MACROD2: variants seen among roughly 807,000 people sequenced by gnomAD.
MACROD2 encodes mono-ADP ribosylhydrolase 2.
MACROD2 carries 36 observed loss-of-function variants against 70.4 expected under a neutral mutation model. The observed-to-expected ratio is 0.51, with a 90% CI of 0.39 to 0.68. The LOEUF is 0.68. Among genes scored for constraint, MACROD2 ranks in the 30% least tolerant of loss-of-function variants. The pLI, the probability that MACROD2 is intolerant of heterozygous loss-of-function variation, is 0.00. For missense variants in MACROD2, 496 were observed against 538.4 expected (o/e 0.92, Z 0.78); for synonymous variants, 172 against 178.8 (o/e 0.96, Z 0.30).
chr20:14,707,088 A>T (rs533069133), intron 5 of MACROD2, among the ~76,000 whole-genome samples: 1 of 152,084 alleles, frequency 6.6e-6, no homozygotes, highest in African/African-American at 2.4e-5. Flanking sequence ...AGGATCCCAG[A>T]TTTTATAAAA....
chr20:14,994,306 A>G (rs555983952), intron 5 of MACROD2, among the ~76,000 whole-genome samples: 2 of 152,156 alleles, frequency 1.3e-5, no homozygotes, highest in Admixed American at 6.6e-5. Flanking sequence ...GGGATGCCCA[A>G]CAGGAGCTGT....
chr20:14,789,463 T>C (rs7273323), intron 5 of MACROD2, among the ~76,000 whole-genome samples: 1,228 of 57,766 alleles, frequency 0.021, 31 homozygotes, highest in South Asian at 0.032. Context: ...AGTGCAAATT[T>C]TTTTTTTTTT....
At chr20:15,543,545 A>G (rs1445981871) in intron 8 of MACROD2, among the ~76,000 whole-genome samples, 1 of 152,148 alleles carries the variant, frequency 6.6e-6, no homozygotes, top group Non-Finnish European at 1.5e-5. Context: ...TCTGCTACAG[A>G]GAATAGAAAC....
chr20:14,500,642 G>A (rs1011306975), intron 4 of MACROD2, among the ~76,000 whole-genome samples: 2 of 152,126 alleles, frequency 1.3e-5, no homozygotes, highest in African/African-American at 4.8e-5. Context: ...GCAATTCCAA[G>A]GACATAATTT....
intron 2 of MACROD2, chr20:14,052,001 A>G (rs1189405677): frequency 2.0e-6 from 1 of 494,282 alleles, no homozygotes; most frequent in African/African-American, 1.9e-5. Flanking sequence ...GGAACAAGTT[A>G]TGGAAAGAAA....
intron 5 of MACROD2, chr20:15,021,474 C>CTA (rs940572514): frequency 6.7e-6 from 1 of 149,474 alleles, no homozygotes; most frequent in East Asian, 2.0e-4. Flanking sequence ...ATATAGGAGA[C>CTA]TATATATATG....
chr20:15,839,554 G>A (rs931473287), intron 8 of MACROD2, among the ~76,000 whole-genome samples: 5 of 152,136 alleles, frequency 3.3e-5, no homozygotes, highest in Non-Finnish European at 7.4e-5. Flanking sequence ...TAAGAAACAT[G>A]TGAAACAGAA....
intron 2 of MACROD2, among the ~76,000 whole-genome samples, chr20:14,082,655 G>T (rs1170091072): frequency 6.6e-6 from 1 of 151,914 alleles, no homozygotes; most frequent in Non-Finnish European, 1.5e-5. Context: ...GTTAAAGAAT[G>T]ATTAGAAAAT....
At chr20:15,588,181 G>C (rs1001856600) in intron 8 of MACROD2, among the ~76,000 whole-genome samples, 12 of 152,192 alleles carry the variant, frequency 7.9e-5, no homozygotes, top group Admixed American at 6.5e-4. Flanking sequence ...GCTGCCAAGG[G>C]TTGGGGCTTC....
chr20:16,015,178 A>G (rs1427859028), intron 15 of MACROD2, among the ~76,000 whole-genome samples: 4 of 152,248 alleles, frequency 2.6e-5, no homozygotes, highest in Non-Finnish European at 5.9e-5. Context: ...ATTGTTATAA[A>G]GTAACTTACT....
chr20:15,176,658 A>C (rs904893254), intron 5 of MACROD2, among the ~76,000 whole-genome samples: 1 of 152,224 alleles, frequency 6.6e-6, no homozygotes, highest in South Asian at 2.1e-4. Context: ...CACATTGCTC[A>C]TCCCCCAATT....
intron 10 of MACROD2, among the ~76,000 whole-genome samples, chr20:15,904,106 C>G (rs1056235999): frequency 6.6e-6 from 1 of 152,194 alleles, no homozygotes; most frequent in Non-Finnish European, 1.5e-5. Flanking sequence ...TCCATCATGT[C>G]TTCTTGCTCT....
At chr20:14,828,057 A>AC (rs2072922357) in intron 5 of MACROD2, among the ~76,000 whole-genome samples, 3 of 152,118 alleles carry the variant, frequency 2.0e-5, no homozygotes, top group Non-Finnish European at 4.4e-5. Context: ...CATAATAAAG[A>AC]AAATAAAGAT....
intron 5 of MACROD2, 66 bp from the exon 6 acceptor site, chr20:15,229,874 T>A (rs1341260726): frequency 6.7e-7 from 1 of 1,491,136 alleles, no homozygotes. Flanking sequence ...AAATAAAGTA[T>A]TAATTATGTA....
At chr20:14,432,442 A>G (rs1387009856) in intron 3 of MACROD2, among the ~76,000 whole-genome samples, 1 of 151,736 alleles carries the variant, frequency 6.6e-6, no homozygotes, top group Non-Finnish European at 1.5e-5. Flanking sequence ...TGTATATTCA[A>G]TGCCTAAAGT....
At chr20:15,354,755 T>G (rs983759197) in intron 6 of MACROD2, among the ~76,000 whole-genome samples, 1 of 152,190 alleles carries the variant, frequency 6.6e-6, no homozygotes, top group African/African-American at 2.4e-5. Context: ...CTGAAATTGA[T>G]GGATTATTAT....
At chr20:14,605,378 A>G (rs986974772) in intron 4 of MACROD2, among the ~76,000 whole-genome samples, 2 of 104,408 alleles carry the variant, frequency 1.9e-5, no homozygotes, top group Non-Finnish European at 3.8e-5. Context: ...TCTTCCCTCT[A>G]TACCTGCTCA....
intron 5 of MACROD2, among the ~76,000 whole-genome samples, chr20:15,186,813 C>T (rs1037033869): frequency 4.6e-5 from 7 of 152,152 alleles, no homozygotes; most frequent in South Asian, 2.1e-4. Context: ...GTGTCACACT[C>T]CACTTGCGGA....
intron 8 of MACROD2, among the ~76,000 whole-genome samples, chr20:15,702,065 T>C (rs1255580702): frequency 1.3e-5 from 2 of 152,356 alleles, no homozygotes; most frequent in East Asian, 1.9e-4. Flanking sequence ...CAGTCTACCA[T>C]TGATGGGCAT....
Sources: gnomAD v4.1 joint callset for allele counts (sites outside exome capture counted in the v4.1 genomes callset) on GRCh38, gnomAD v4.1.1 for gene constraint, MANE v1.5 for transcripts, NCBI Gene and HGNC (gene_info 2026-07-23, HGNC 2026-07-21) for gene names.